MAP2: variants seen among roughly 807,000 people sequenced by gnomAD.
MAP2 encodes microtubule associated protein 2.
MAP2 carries 14 observed loss-of-function variants against 137.6 expected under a neutral mutation model. That is an observed-to-expected ratio of 0.10 (90% confidence interval 0.07 to 0.16). The LOEUF (loss-of-function observed/expected upper bound fraction) is 0.16. MAP2 is among the 10% of genes least tolerant of loss of function. The probability of loss-of-function intolerance (pLI) is 1.00; values close to 1 mark genes in which losing one functional copy is unlikely to be tolerated. For missense variants in MAP2, 2,088 were observed against 2,191.5 expected (o/e 0.95, Z 0.94); for synonymous variants, 786 against 782.3 (o/e 1.00, Z -0.08).
chr2:209,575,896 G>A (rs1279777233), intron 2 of MAP2, among the ~76,000 whole-genome samples: 2 of 152,168 alleles, frequency 1.3e-5, no homozygotes, highest in African/African-American at 2.4e-5. Context: ...AAAAGCCATG[G>A]AAAGGGCATG....
chr2:209,494,626 G>T lies in MAP2; in HGVS notation c.-221-12966G>T, dbSNP rs1169595863. On this transcript the variant is annotated intron_variant, in intron 1 of 15. Transcript: ENST00000682079. ...TTACCCCTTGTTAGGATATAATCGAGAAATAATCATACAAATGGACAACCA... is the reference window on the plus strand; with the variant it reads ...TTACCCCTTGTTAGGATATAATCGATAAATAATCATACAAATGGACAACCA... 5.9e-5 allele frequency among the ~76,000 whole-genome samples: 9 copies of T among 152,136 alleles called. No homozygotes were observed. The South Asian group carries it at 6.2e-4, about 11-fold the overall frequency.
At chr2:209,697,122 A>G in intron 10 of MAP2, 71 bp downstream of exon 10, 1 of 1,409,376 alleles carries the variant, frequency 7.1e-7, no homozygotes, top group Non-Finnish European at 9.4e-7. Context: ...TCATTACTGT[A>G]GCAGCTTCTT....
intron 1 of MAP2, among the ~76,000 whole-genome samples, chr2:209,435,632 G>C (rs1185006902): frequency 6.6e-6 from 1 of 151,640 alleles, no homozygotes; most frequent in Non-Finnish European, 1.5e-5. Context: ...TGAGGAATGT[G>C]ATATATTCAG....
chr2:209,698,863 A>T (rs1411911458), intron 10 of MAP2, among the ~76,000 whole-genome samples: 1 of 152,184 alleles, frequency 6.6e-6, no homozygotes, highest in Non-Finnish European at 1.5e-5. Context: ...TTTAGCATAA[A>T]AACTCTATAA....
In MAP2 at chr2:209,605,825, C is replaced by T. The variant is rs1475772011; in HGVS notation, c.-106-19228C>T. Among the ~76,000 whole-genome samples the T allele has an allele frequency of 2.0e-5, 3 of 152,262 alleles. No homozygotes were observed. In the East Asian group the frequency reaches 5.8e-4, roughly 29 times the overall value. ...TCATGTTCTCATGATTTGCCTGTTA[C>T]TTGAGTACCTCTCCTCCATTGCCTT... On this transcript the variant is annotated intron_variant, in intron 3 of 15. Coordinates refer to ENST00000682079, the MANE Select transcript of MAP2 (RefSeq NM_001375505.1).
intron 5 of MAP2, among the ~76,000 whole-genome samples, chr2:209,672,852 C>T (rs2049465074): frequency 6.6e-6 from 1 of 151,822 alleles, no homozygotes; most frequent in South Asian, 2.1e-4. Flanking sequence ...TGTAAGTAGC[C>T]TAGCATGATA....
At chr2:209,499,428 C>T (rs1207335790) in intron 1 of MAP2, among the ~76,000 whole-genome samples, 2 of 152,160 alleles carry the variant, frequency 1.3e-5, no homozygotes, top group Non-Finnish European at 2.9e-5. Context: ...AACTTTCCCT[C>T]ATCTTTCTGT....
chr2:209,639,688 G>T (rs1010084097), intron 4 of MAP2, among the ~76,000 whole-genome samples: 1 of 151,868 alleles, frequency 6.6e-6, no homozygotes, highest in African/African-American at 2.4e-5. Context: ...CCATTGCCTG[G>T]CCATCGACCT....
chr2:209,436,026 A>G (rs1319469161), intron 1 of MAP2, among the ~76,000 whole-genome samples: 1 of 142,386 alleles, frequency 7.0e-6, no homozygotes, highest in Non-Finnish European at 1.5e-5. Context: ...TATATATAAA[A>G]TATATATATA....
At chr2:209,550,498 A>C (rs758112193) in intron 2 of MAP2, among the ~76,000 whole-genome samples, 42 of 152,154 alleles carry the variant, frequency 2.8e-4, no homozygotes, top group Non-Finnish European at 5.4e-4. Flanking sequence ...ATTGAACTCT[A>C]ATTCCTACAC....
chr2:209,525,073 G>T (rs572604013), intron 2 of MAP2, among the ~76,000 whole-genome samples: 2 of 151,886 alleles, frequency 1.3e-5, no homozygotes, highest in African/African-American at 4.8e-5. Flanking sequence ...TTTAATATAC[G>T]TTCTAGCTTT....
chr2:209,429,192 A>G (rs1693536760), intron 1 of MAP2, among the ~76,000 whole-genome samples: 1 of 151,964 alleles, frequency 6.6e-6, no homozygotes, highest in African/African-American at 2.4e-5. Context: ...TGACCTCGTG[A>G]TCCGCCCGCC....
intron 7 of MAP2, among the ~76,000 whole-genome samples, chr2:209,689,866 C>G (rs2153708007): frequency 6.6e-6 from 1 of 152,248 alleles, no homozygotes; most frequent in East Asian, 1.9e-4. Flanking sequence ...TAACCTTGAC[C>G]TTGTTTTTAA....
At chr2:209,640,086 T>G (rs2153574299) in intron 4 of MAP2, among the ~76,000 whole-genome samples, 1 of 152,244 alleles carries the variant, frequency 6.6e-6, no homozygotes, top group African/African-American at 2.4e-5. Context: ...CCTAGAAAGC[T>G]TCTTGTCCTT....
At chr2:209,534,034 C>G (rs936771852) in intron 2 of MAP2, among the ~76,000 whole-genome samples, 6 of 152,198 alleles carry the variant, frequency 3.9e-5, no homozygotes, top group African/African-American at 9.7e-5. Context: ...CGTCCAGCAG[C>G]CTGGCTACCC....
rs1346509684 is a variant in MAP2, at chr2:209,714,065, G to A, written c.5073+3811G>A. On this transcript the variant is annotated intron_variant, in intron 13 of 15. Transcript: ENST00000682079. ...AAAAAAAAGAAAATAGCCAGGCGTG[G>A]TGGTGGGCACCAGTAATCCCAGCTA... Among the ~76,000 whole-genome samples, 3 of 152,042 alleles carry A rather than the reference G, an allele frequency of 2.0e-5. No homozygotes were observed. The East Asian group carries it at 5.8e-4, about 29-fold the overall frequency.
At chr2:209,634,271 A>T (rs185572772) in intron 4 of MAP2, among the ~76,000 whole-genome samples, 1 of 152,184 alleles carries the variant, frequency 6.6e-6, no homozygotes, top group Non-Finnish European at 1.5e-5. Context: ...GATTTTTTGG[A>T]AAATCTCATT....
intron 12 of MAP2, 130 bp from the exon 13 acceptor site, chr2:209,709,784 A>C: frequency 2.9e-6 from 2 of 684,758 alleles, no homozygotes; most frequent in Non-Finnish European, 4.9e-6. Flanking sequence ...CTTGAGTACT[A>C]TAGTGATAAC....
At chr2:209,483,046 A>T (rs1425271173) in intron 1 of MAP2, among the ~76,000 whole-genome samples, 1 of 152,204 alleles carries the variant, frequency 6.6e-6, no homozygotes, top group Non-Finnish European at 1.5e-5. Context: ...TTAGAACTAA[A>T]GTCCTGAAAT....
Sources: gnomAD v4.1 joint callset for allele counts (sites outside exome capture counted in the v4.1 genomes callset) on GRCh38, gnomAD v4.1.1 for gene constraint, MANE v1.5 for transcripts, NCBI Gene and HGNC (gene_info 2026-07-23, HGNC 2026-07-21) for gene names.